Variants in COQ3 observed in about 807,000 individuals in gnomAD.
The protein encoded by COQ3 is ubiquinone biosynthesis O-methyltransferase, mitochondrial.
COQ3 carries 29 observed loss-of-function variants against 33.1 expected under a neutral mutation model. The observed-to-expected ratio is 0.88, with a 90% CI of 0.65 to 1.19. The LOEUF is 1.19. Ranked by LOEUF, COQ3 falls within the 50% of genes most tolerant of loss-of-function variation. The pLI, the probability that COQ3 is intolerant of heterozygous loss-of-function variation, is 0.00. For synonymous variants in COQ3, 173 were observed against 157.8 expected (o/e 1.10, Z -0.72); for missense variants, 437 against 430.7 (o/e 1.01, Z -0.13).
At chr6:99,376,702 G>A (rs1774291384) in intron 4 of COQ3, among the ~76,000 whole-genome samples, 1 of 152,098 alleles carries the variant, frequency 6.6e-6, no homozygotes, top group African/African-American at 2.4e-5. Flanking sequence ...CAGGCACGGT[G>A]GCTCACGCCT....
At chr6:99,374,514 T>C (rs1316552485) in intron 5 of COQ3, among the ~76,000 whole-genome samples, 2 of 152,220 alleles carry the variant, frequency 1.3e-5, no homozygotes, top group African/African-American at 4.8e-5. Flanking sequence ...GAGCTATGCA[T>C]TTCATTCTTT....
At chr6:99,369,842 A>G (rs1562199713) in intron 6 of COQ3, 22 bp from the exon 7 acceptor site, 1 of 1,436,982 alleles carries the variant, frequency 7.0e-7, no homozygotes, top group Admixed American at 2.0e-5. Flanking sequence ...AAAAATCAGA[A>G]AGAGTAGATT....
At chr6:99,377,777 G>C (rs1774338276) in intron 3 of COQ3, among the ~76,000 whole-genome samples, 1 of 151,784 alleles carries the variant, frequency 6.6e-6, no homozygotes, top group Admixed American at 6.6e-5. Context: ...AATTTCAATT[G>C]CTTGAGATAT....
chr6:99,378,793 T>C (rs1204621499), intron 3 of COQ3, among the ~76,000 whole-genome samples: 1 of 152,166 alleles, frequency 6.6e-6, no homozygotes. Context: ...ATTTCTCTTT[T>C]TGGTATACTA....
intron 3 of COQ3, 62 bp from the exon 4 acceptor site, chr6:99,377,547 A>G (rs1290685168): frequency 8.4e-7 from 1 of 1,189,720 alleles, no homozygotes. Context: ...GAAAAGTCAC[A>G]AAGTGTGTAG....
In COQ3 at chr6:99,383,817, C is replaced by T; in HGVS notation, c.114G>A (p.Val38=). ...ARPLISSAVY[V]KNQLSGTLQI... is the part of the protein sequence containing the mutation. ...GTAGAGTCCCACTGAGCTGGTTCTT[C>T]ACATAAACTGAAAAAAAAAATTAAA... Residue 38 remains valine, a synonymous_variant, in exon 2 of 7, where the codon GTG becomes GTA. Coordinates refer to ENST00000254759, the MANE Select transcript of COQ3 (RefSeq NM_017421.4). 1 of 1,567,062 alleles carries T rather than the reference C, an allele frequency of 6.4e-7. No homozygotes were observed. The highest frequency in any genetic ancestry group is 8.6e-7 in the Non-Finnish European group (1 of 1,163,576).
At position 99,369,475 on chromosome 6, in the gene COQ3, A is replaced by G. The variant is rs935293468; in HGVS notation, c.*125T>C. On this transcript the variant is annotated 3_prime_UTR_variant, in exon 7 of 7. Transcript: ENST00000254759. ...GACGAAATAACAAAAACTTTTGTCC[A>G]AGGTTTTAGCCCTTTTTATTGACCT... is the stretch of plus-strand genomic sequence containing the variant. 3.9e-6 allele frequency: 3 copies of G among 771,754 alleles called. No individual in the cohort carries two copies. The African/African-American group carries it at 5.2e-5, about 13-fold the overall frequency. The allele number at this position is 771,754 out of a possible 1,614,324, so 47.8% of individuals were successfully genotyped here. A position where few individuals can be genotyped will look rare whatever the true frequency, so the allele number is the denominator to read the frequency against.
chr6:99,383,300 T>C (rs1774525204), intron 2 of COQ3, among the ~76,000 whole-genome samples: 1 of 152,234 alleles, frequency 6.6e-6, no homozygotes, highest in Non-Finnish European at 1.5e-5. Flanking sequence ...TCACTTATGA[T>C]TTCTAAAAAT....
intron 2 of COQ3, among the ~76,000 whole-genome samples, chr6:99,382,082 A>G (rs1177176737): frequency 6.6e-6 from 1 of 152,176 alleles, no homozygotes; most frequent in Non-Finnish European, 1.5e-5. Context: ...CTAGACCACA[A>G]GCACTATGAA....
At position 99,377,436 on chromosome 6, in the gene COQ3, A is replaced by G. The variant is rs762940572; in HGVS notation, c.436T>C (p.Leu146=). 13 of 1,613,400 alleles carry G rather than the reference A, an allele frequency of 8.1e-6. No homozygotes were observed. Among genetic ancestry groups the G allele is most frequent in the Admixed American group, 6.7e-5 (4 of 59,906 alleles). ...CCAACGTCAAGAATCTTCATCCCCA[A>G]CAAAGGTTTTCCTGGCTGGTGATTA... is the stretch of plus-strand genomic sequence containing the variant. The part of the protein sequence containing the change: ...IPNHQPGKPL[L]GMKILDVGCG... The change falls in exon 4 of 7, where the codon TTG becomes CTG. Residue 146 remains leucine, a synonymous_variant. Transcript: ENST00000254759.
At chr6:99,373,128 T>C (rs971562409) in intron 5 of COQ3, among the ~76,000 whole-genome samples, 1 of 152,176 alleles carries the variant, frequency 6.6e-6, no homozygotes, top group Non-Finnish European at 1.5e-5. Context: ...CTTCAAACTC[T>C]AAAATATCTT....
intron 1 of COQ3, among the ~76,000 whole-genome samples, chr6:99,389,423 C>A (rs1774761451): frequency 6.6e-6 from 1 of 152,128 alleles, no homozygotes; most frequent in Non-Finnish European, 1.5e-5. Context: ...CCGCACCCAG[C>A]CTCTCTGTGC....
intron 5 of COQ3, among the ~76,000 whole-genome samples, chr6:99,371,964 G>GT (rs1287057591): frequency 1.3e-5 from 2 of 152,282 alleles, no homozygotes; most frequent in African/African-American, 4.8e-5. Context: ...GGTTTTCATT[G>GT]TAAGTGCTGA....
intron 1 of COQ3, 92 bp downstream of exon 1, chr6:99,393,980 CAG>C: frequency 9.5e-7 from 1 of 1,057,322 alleles, no homozygotes; most frequent in Non-Finnish European, 1.5e-6. Context: ...TCGCGAGGTC[CAG>C]AGACAACCCA....
intron 1 of COQ3, among the ~76,000 whole-genome samples, chr6:99,389,041 A>G (rs569775532): frequency 6.6e-5 from 10 of 152,138 alleles, no homozygotes; most frequent in Non-Finnish European, 1.3e-4. Context: ...CCTGGCTTCA[A>G]CAATGTACTA....
Position 99,376,162 on chromosome 6 carries a change from A to C in COQ3, c.507T>G (p.Ala169=), listed in dbSNP as rs1774277744. 6.2e-7 allele frequency: 1 copy of C among 1,614,012 alleles called. No homozygotes were observed. The highest frequency in any genetic ancestry group is 1.7e-5 in the Admixed American group (1 of 60,004). ...LLTEPLGRLG[A]SVIGIDPVDE... Reference sequence around the variant, plus strand: ...CCACAGGGTCGATTCCAATAACTGAAGCCCCAAGCCGCCCTAGAGGCTAAT... The same window carrying C: ...CCACAGGGTCGATTCCAATAACTGACGCCCCAAGCCGCCCTAGAGGCTAAT... Residue 169 remains alanine (A), a synonymous_variant, in exon 5 of 7, where the codon GCT becomes GCG. Coordinates refer to ENST00000254759, the MANE Select transcript of COQ3 (RefSeq NM_017421.4).
intron 3 of COQ3, among the ~76,000 whole-genome samples, chr6:99,378,510 T>C (rs1453745096): frequency 1.3e-5 from 2 of 152,138 alleles, no homozygotes; most frequent in Admixed American, 1.3e-4. Flanking sequence ...ATGTGTGATC[T>C]CTAGTTAAAG....
At chr6:99,387,266 T>G (rs933630291) in intron 1 of COQ3, among the ~76,000 whole-genome samples, 1 of 152,150 alleles carries the variant, frequency 6.6e-6, no homozygotes, top group African/African-American at 2.4e-5. Flanking sequence ...CTGGGCAACA[T>G]GGTGAGACCC....
In COQ3 at chr6:99,369,623, C is replaced by T. The variant is rs1774065405; in HGVS notation, c.1087G>A (p.Val363Met). ...ATTCATTTCTTCAGCTTTTCATGCA[C>T]AGCTGGATTGGTGCAGGCATTAGCT... ...LQANACTNPA[V>M]HEKLKK Residue 363 changes from valine to methionine, a missense_variant, in exon 7 of 7, where the codon GTG (valine) becomes ATG (methionine). Coordinates refer to ENST00000254759, the MANE Select transcript of COQ3 (RefSeq NM_017421.4). 4 of 1,613,678 alleles carry T rather than the reference C, an allele frequency of 2.5e-6. No homozygotes were observed. In the African/African-American group the frequency reaches 4.0e-5, roughly 16 times the overall value.
Sources: gnomAD v4.1 joint callset for allele counts (sites outside exome capture counted in the v4.1 genomes callset) on GRCh38, gnomAD v4.1.1 for gene constraint, MANE v1.5 for transcripts, NCBI Gene and HGNC (gene_info 2026-07-23, HGNC 2026-07-21) for gene names.